SUSD1: variants seen among roughly 807,000 people sequenced by gnomAD.
The protein encoded by SUSD1 is sushi domain-containing protein 1.
In SUSD1, 65 loss-of-function variants were observed where a neutral mutation model predicts 86.9. That is an observed-to-expected ratio of 0.75 (90% CI 0.61 to 0.92). The LOEUF (loss-of-function observed/expected upper bound fraction) is 0.92. Ranked by LOEUF, SUSD1 falls within the 40% of genes least tolerant of loss-of-function variation. The pLI is 0.00. For missense variants in SUSD1, 850 were observed against 929.7 expected, an observed-to-expected ratio of 0.91 and a Z score of 1.11; for synonymous variants, 346 against 350.0, an observed-to-expected ratio of 0.99 and a Z score of 0.13.
intron 1 of SUSD1, chr9:112,173,724 C>A (rs1373285719): frequency 5.0e-6 from 2 of 400,470 alleles, no homozygotes; most frequent in Admixed American, 2.8e-5. Context: ...CCTTTGGAAT[C>A]TTGGGCTTAA....
intron 2 of SUSD1, among the ~76,000 whole-genome samples, chr9:112,150,142 T>C (rs1832983462): frequency 6.6e-6 from 1 of 152,338 alleles, no homozygotes. Flanking sequence ...CCTGTGCTCA[T>C]GGGCACGAAA....
intron 12 of SUSD1, among the ~76,000 whole-genome samples, chr9:112,067,730 G>A (rs1176723675): frequency 6.6e-6 from 1 of 152,088 alleles, no homozygotes; most frequent in African/African-American, 2.4e-5. Flanking sequence ...CACTGCATCA[G>A]CTCAGTAGGG....
intron 9 of SUSD1, among the ~76,000 whole-genome samples, chr9:112,101,611 C>G (rs2099161): frequency 2.0e-5 from 3 of 151,908 alleles, no homozygotes; most frequent in Non-Finnish European, 4.4e-5. Context: ...TTTGGGAGGC[C>G]GAGGAGGGCA....
chr9:112,072,172 A>G, intron 12 of SUSD1, among the ~76,000 whole-genome samples: 1 of 106,978 alleles, frequency 9.3e-6, no homozygotes, highest in Non-Finnish European at 1.8e-5. Context: ...TTTTTTTGAG[A>G]CGGAGTCTCA....
At chr9:112,109,486 C>T (rs1012786829) in intron 8 of SUSD1, among the ~76,000 whole-genome samples, 1 of 152,176 alleles carries the variant, frequency 6.6e-6, no homozygotes, top group African/African-American at 2.4e-5. Context: ...GTTAGGATGG[C>T]TCAACATAAA....
chr9:112,162,392 T>C (rs929825389), intron 1 of SUSD1, among the ~76,000 whole-genome samples: 11 of 152,204 alleles, frequency 7.2e-5, no homozygotes, highest in Non-Finnish European at 1.3e-4. Flanking sequence ...AGCAGGTACA[T>C]AGCTTTAGAG....
chr9:112,061,675 T>C (rs1019320930), intron 13 of SUSD1, among the ~76,000 whole-genome samples: 4 of 152,204 alleles, frequency 2.6e-5, no homozygotes, highest in Non-Finnish European at 5.9e-5. Context: ...ATTTATACAA[T>C]GTCCATCCCT....
intron 1 of SUSD1, among the ~76,000 whole-genome samples, chr9:112,174,125 T>A (rs1834167254): frequency 1.3e-5 from 2 of 152,296 alleles, no homozygotes; most frequent in South Asian, 4.1e-4. Flanking sequence ...CTGCCTCTGG[T>A]GCCTCCGTGT....
intron 5 of SUSD1, among the ~76,000 whole-genome samples, chr9:112,130,557 G>T (rs1831980053): frequency 6.9e-6 from 1 of 144,570 alleles, no homozygotes; most frequent in Non-Finnish European, 1.5e-5. Context: ...GGAAAGAAAA[G>T]AAAGGAAAGA....
At chr9:112,072,140 C>CTTTTTTTTTTTTTTTTT in intron 12 of SUSD1, among the ~76,000 whole-genome samples, 74 of 121,152 alleles carry the variant, frequency 6.1e-4, no homozygotes, top group Non-Finnish European at 7.4e-4. Flanking sequence ...CTTTCTTTCT[C>CTTTTTTTTTTTTTTTTT]TTTTTTTTTT....
At chr9:112,100,596 C>T (rs1830593113) in intron 9 of SUSD1, among the ~76,000 whole-genome samples, 1 of 152,122 alleles carries the variant, frequency 6.6e-6, no homozygotes, top group Admixed American at 6.5e-5. Context: ...CTTTGGGAAG[C>T]CAAGGCAGCT....
At chr9:112,170,202 T>G (rs1464955399) in intron 1 of SUSD1, among the ~76,000 whole-genome samples, 1 of 152,128 alleles carries the variant, frequency 6.6e-6, no homozygotes, top group African/African-American at 2.4e-5. Context: ...TTAAGTAACT[T>G]TAAATCACTC....
At chr9:112,131,676 A>T (rs1832039972) in intron 5 of SUSD1, among the ~76,000 whole-genome samples, 1 of 152,232 alleles carries the variant, frequency 6.6e-6, no homozygotes, top group Non-Finnish European at 1.5e-5. Flanking sequence ...TCTTACTATC[A>T]CAAGGAAATA....
chr9:112,070,009 T>C (rs1432930049), intron 12 of SUSD1, among the ~76,000 whole-genome samples: 6 of 152,178 alleles, frequency 3.9e-5, no homozygotes, highest in Non-Finnish European at 7.3e-5. Context: ...TTTTTGTTTT[T>C]GCTTTTGCTT....
intron 5 of SUSD1, among the ~76,000 whole-genome samples, chr9:112,124,880 T>G (rs534813882): frequency 8.3e-4 from 127 of 152,294 alleles, no homozygotes; most frequent in Admixed American, 3.6e-3. Context: ...AGGATTCAAC[T>G]TATATGCATC....
intron 1 of SUSD1, among the ~76,000 whole-genome samples, chr9:112,158,700 C>A (rs1218325618): frequency 6.6e-6 from 1 of 152,078 alleles, no homozygotes; most frequent in Non-Finnish European, 1.5e-5. Flanking sequence ...CCCATTCCTC[C>A]ATTCTTAAGG....
chr9:112,138,264 T>C (rs200143034), intron 5 of SUSD1, among the ~76,000 whole-genome samples: 505 of 61,612 alleles, frequency 8.2e-3, no homozygotes, highest in Middle Eastern at 0.025. Context: ...TATGTGTATA[T>C]ACATATATAT....
intron 1 of SUSD1, among the ~76,000 whole-genome samples, chr9:112,165,781 CAAAA>C (rs1833757570): frequency 1.2e-5 from 1 of 83,526 alleles, no homozygotes; most frequent in African/African-American, 4.6e-5. Flanking sequence ...ATACACACAT[CAAAA>C]AGAAAGGAAA....
At chr9:112,121,480 A>C (rs571523245) in intron 6 of SUSD1, among the ~76,000 whole-genome samples, 1 of 152,330 alleles carries the variant, frequency 6.6e-6, no homozygotes, top group South Asian at 2.1e-4. Context: ...GTAAATTCCA[A>C]GAGGGTCATG....
Sources: gnomAD v4.1 joint callset for allele counts (sites outside exome capture counted in the v4.1 genomes callset) on GRCh38, gnomAD v4.1.1 for gene constraint, MANE v1.5 for transcripts, NCBI Gene and HGNC (gene_info 2026-07-23, HGNC 2026-07-21) for gene names.